Variants in ANO2 observed in about 807,000 individuals in gnomAD.
The protein encoded by ANO2 is anoctamin 2.
ANO2 carries 101 observed loss-of-function variants against 124.2 expected under a neutral mutation model. That is an observed-to-expected ratio of 0.81 (90% CI 0.69 to 0.96). ANO2 has a LOEUF of 0.96. Among genes scored for constraint, ANO2 ranks in the 40% least tolerant of loss-of-function variants. ANO2 has a pLI of 0.00. For missense variants in ANO2, 1,293 were observed against 1,274.5 expected, an observed-to-expected ratio of 1.01 and a Z score of -0.22; for synonymous variants, 486 against 482.5, an observed-to-expected ratio of 1.01 and a Z score of -0.09.
At chr12:5,942,260 T>C (rs7295091) in intron 1 of ANO2, among the ~76,000 whole-genome samples, 17,699 of 152,230 alleles carry the variant, frequency 0.12, 1,833 homozygotes, top group African/African-American at 0.27. Context: ...TCAAATAGCA[T>C]TTTTTAAAGT....
At chr12:5,849,546 A>G (rs1440252554) in intron 4 of ANO2, among the ~76,000 whole-genome samples, 2 of 152,192 alleles carry the variant, frequency 1.3e-5, no homozygotes, top group Non-Finnish European at 2.9e-5. Flanking sequence ...CTGTGCATGG[A>G]TCTTGAGTGT....
chr12:5,609,058 G>A (rs1436278770), intron 19 of ANO2: 3 of 152,162 alleles, frequency 2.0e-5, no homozygotes, highest in Non-Finnish European at 4.4e-5. Flanking sequence ...GGCCAGATGC[G>A]GCTTTGGTAC....
intron 7 of ANO2, among the ~76,000 whole-genome samples, chr12:5,818,450 TATATATATATA>T (rs1953679566): frequency 5.0e-3 from 6 of 1,210 alleles, no homozygotes; most frequent in Non-Finnish European, 6.1e-3. Context: ...ACTCATATTA[TATATATATATA>T]TATATATATA....
chr12:5,725,693 G>A (rs1397091289), intron 14 of ANO2, among the ~76,000 whole-genome samples: 1 of 152,016 alleles, frequency 6.6e-6, no homozygotes, highest in Non-Finnish European at 1.5e-5. Flanking sequence ...CCTGGCTCCT[G>A]GGCTCTGGTA....
intron 14 of ANO2, among the ~76,000 whole-genome samples, chr12:5,675,003 C>A (rs766108367): frequency 5.3e-5 from 8 of 152,068 alleles, no homozygotes; most frequent in Non-Finnish European, 1.2e-4. Flanking sequence ...CACTCTGCAG[C>A]CTTACTGGAA....
rs1942389231 is a variant in ANO2 at position 5,931,571 on chromosome 12, G to A, written c.23-8767C>T. Among the ~76,000 whole-genome samples, 4 of 136,300 alleles carry A rather than the reference G, an allele frequency of 2.9e-5. 1 individual carries two copies. Among genetic ancestry groups the A allele is most frequent in the Non-Finnish European group, 6.3e-5 (4 of 63,116 alleles). 89.4% of individuals were successfully genotyped at this position (136,300 alleles called of 152,430 possible). ...AGAAAGTGACTAATAAGGAAAGAAG[G>A]CAGACGAGTGAGGAAAGAAGATAGA... is the stretch of plus-strand genomic sequence containing the variant. On this transcript the variant is annotated intron_variant, in intron 1 of 24. Transcript: ENST00000682330.
At chr12:5,571,710 T>C (rs1438960430) in intron 23 of ANO2, among the ~76,000 whole-genome samples, 1 of 152,172 alleles carries the variant, frequency 6.6e-6, no homozygotes, top group East Asian at 1.9e-4. Flanking sequence ...CTTCTCTCTC[T>C]CTCTCTCTCT....
At chr12:5,864,832 T>C (rs767984163) in intron 3 of ANO2, among the ~76,000 whole-genome samples, 6 of 152,170 alleles carry the variant, frequency 3.9e-5, no homozygotes, top group Non-Finnish European at 7.4e-5. Context: ...CTACACTTAA[T>C]AGCCATCAAA....
chr12:5,931,811 AAGAT>A (rs1200528762), intron 1 of ANO2, among the ~76,000 whole-genome samples: 20 of 139,010 alleles, frequency 1.4e-4, no homozygotes, highest in African/African-American at 5.6e-4. Context: ...GTGAGGAAAG[AAGAT>A]AGACTAGTAA....
intron 16 of ANO2, among the ~76,000 whole-genome samples, chr12:5,634,137 G>A (rs1456030141): frequency 1.3e-5 from 2 of 152,186 alleles, no homozygotes; most frequent in African/African-American, 4.8e-5. Context: ...ATATGCACAT[G>A]CCTGGAAAGA....
intron 9 of ANO2, among the ~76,000 whole-genome samples, chr12:5,804,518 T>C (rs1409392716): frequency 4.6e-5 from 7 of 152,188 alleles, no homozygotes; most frequent in African/African-American, 1.7e-4. Flanking sequence ...CTTTCTGACA[T>C]CAACTTTGGG....
Position 5,577,962 on chromosome 12 carries a change from A to G in ANO2, c.2432T>C (p.Ile811Thr). ...ATGAATGCAAGTACTTACGTTGCTGATAACAGAGAACTTGCCAATTCCAGA... is the reference window on the plus strand; with the variant it reads ...ATGAATGCAAGTACTTACGTTGCTGGTAACAGAGAACTTGCCAATTCCAGA... ...ILSGIGKFSV[I>T]SNAFVIAITS... Residue 811 changes from isoleucine (I) to threonine (T), a missense_variant, in exon 22 of 25, where the codon ATC (isoleucine) becomes ACC (threonine). Physicochemically the swap from Ile to Thr is moderately conservative, Grantham distance 89. Transcript: ENST00000682330. The G allele has an allele frequency of 1.9e-6, 3 of 1,613,736 alleles. No homozygotes were observed. The highest frequency in any genetic ancestry group is 2.2e-5 in the East Asian group (1 of 44,850).
At chr12:5,823,080 T>G (rs1179775089) in intron 7 of ANO2, among the ~76,000 whole-genome samples, 1 of 152,144 alleles carries the variant, frequency 6.6e-6, no homozygotes, top group East Asian at 1.9e-4. Flanking sequence ...GAGATACAAT[T>G]CAAGTTGAGA....
chr12:5,893,203 C>CCAAAAG (rs1939529177), intron 3 of ANO2, among the ~76,000 whole-genome samples: 1 of 151,952 alleles, frequency 6.6e-6, no homozygotes, highest in South Asian at 2.1e-4. Context: ...TACTAAGACC[C>CCAAAAG]CAAAAGCAAA....
chr12:5,782,934 C>T (rs1952443205), intron 10 of ANO2, among the ~76,000 whole-genome samples: 1 of 152,204 alleles, frequency 6.6e-6, no homozygotes. Context: ...AATGCCACAT[C>T]TGTGTATCTT....
chr12:5,940,266 A>G (rs1942843852), intron 1 of ANO2, among the ~76,000 whole-genome samples: 1 of 152,238 alleles, frequency 6.6e-6, no homozygotes, highest in Non-Finnish European at 1.5e-5. Flanking sequence ...ACTGGATCAA[A>G]TCATTTAGGC....
intron 15 of ANO2, among the ~76,000 whole-genome samples, chr12:5,640,578 A>G (rs1431177147): frequency 6.6e-6 from 1 of 152,226 alleles, no homozygotes; most frequent in East Asian, 1.9e-4. Flanking sequence ...ATGAACAGAC[A>G]CTTCTCAAAA....
chr12:5,710,988 CT>C (rs1364544782), intron 14 of ANO2, among the ~76,000 whole-genome samples: 2 of 151,904 alleles, frequency 1.3e-5, no homozygotes, highest in Non-Finnish European at 2.9e-5. Flanking sequence ...GAAACCCCGT[CT>C]CTACTAAAAA....
chr12:5,934,754 A>C (rs1942577008), intron 1 of ANO2, among the ~76,000 whole-genome samples: 4 of 152,200 alleles, frequency 2.6e-5, no homozygotes, highest in Admixed American at 2.6e-4. Context: ...TTCCATTGAC[A>C]TCCTGGGTAT....
Sources: allele counts gnomAD v4.1 joint callset (sites outside exome capture counted in the v4.1 genomes callset), GRCh38; gene constraint gnomAD v4.1.1; transcripts MANE v1.5; gene names NCBI Gene and HGNC (gene_info 2026-07-23, HGNC 2026-07-21).